The following ADAMTS17 variants were observed in gnomAD, a reference collection of about 807,000 sequenced individuals.
ADAMTS17 encodes A disintegrin and metalloproteinase with thrombospondin motifs 17.
A neutral mutation model predicts 141.5 loss-of-function variants in ADAMTS17; 113 were observed. The observed-to-expected ratio is 0.80, with a 90% CI of 0.69 to 0.93. The LOEUF (loss-of-function observed/expected upper bound fraction) is 0.93, where lower values mean the gene tolerates loss of function less well. Among genes scored for constraint, ADAMTS17 ranks in the 40% least tolerant of loss-of-function variants. The pLI, the probability that ADAMTS17 is intolerant of heterozygous loss-of-function variation, is 0.00. For synonymous variants in ADAMTS17, 768 were observed against 630.6 expected, an observed-to-expected ratio of 1.22 and a Z score of -3.27; for missense variants, 1,659 against 1,517.9, an observed-to-expected ratio of 1.09 and a Z score of -1.54.
chr15:100,202,239 A>G (rs749480274), intron 7 of ADAMTS17, among the ~76,000 whole-genome samples: 5 of 152,240 alleles, frequency 3.3e-5, no homozygotes, highest in Non-Finnish European at 7.3e-5. Flanking sequence ...GTAACGTGCA[A>G]TGCTAGTGGA....
chr15:100,121,468 C>G (rs1480666807), intron 12 of ADAMTS17, among the ~76,000 whole-genome samples: 1 of 152,078 alleles, frequency 6.6e-6, no homozygotes, highest in Admixed American at 6.5e-5. Context: ...ATATCCCATA[C>G]AAGGGATCTT....
At chr15:100,088,766 C>T (rs1172168478) in intron 15 of ADAMTS17, among the ~76,000 whole-genome samples, 3 of 152,112 alleles carry the variant, frequency 2.0e-5, no homozygotes, top group African/African-American at 4.8e-5. Flanking sequence ...ATTAATGGTG[C>T]TGGAAAAACT....
At chr15:100,206,101 G>A (rs12914216) in intron 7 of ADAMTS17, among the ~76,000 whole-genome samples, 3,050 of 152,358 alleles carry the variant, frequency 0.02, 48 homozygotes, top group South Asian at 0.034. Flanking sequence ...GGCTCCCTGT[G>A]TGGGGAGCAA....
At chr15:100,309,519 G>T (rs1031236072) in intron 3 of ADAMTS17, among the ~76,000 whole-genome samples, 1 of 152,198 alleles carries the variant, frequency 6.6e-6, no homozygotes, top group Non-Finnish European at 1.5e-5. Context: ...TCAGTCTGGT[G>T]CCTGTCTCAC....
chr15:100,111,681 G>T lies in ADAMTS17; in HGVS notation c.1889-2565C>A, dbSNP rs75836599. 1.4e-4 allele frequency among the ~76,000 whole-genome samples: 22 copies of T among 152,262 alleles called. No individual in the cohort carries two copies. The East Asian group carries it at 4.0e-3, about 28-fold the overall frequency. Reference sequence around the variant, plus strand: ...TAGACTGAAATGTTGACTCAGTACTGGGAGTAATTGAGCTTTGAGGTGATT... The same window carrying T: ...TAGACTGAAATGTTGACTCAGTACTTGGAGTAATTGAGCTTTGAGGTGATT... On this transcript the variant is annotated intron_variant, in intron 13 of 21. Transcript: ENST00000268070.
chr15:100,239,591 G>A (rs2042765967), intron 7 of ADAMTS17, among the ~76,000 whole-genome samples: 1 of 152,198 alleles, frequency 6.6e-6, no homozygotes, highest in Non-Finnish European at 1.5e-5. Context: ...TCTCTCTCCA[G>A]CGTTGCAGGA....
At chr15:100,054,824 A>G (rs1317330705) in intron 15 of ADAMTS17, among the ~76,000 whole-genome samples, 1 of 152,156 alleles carries the variant, frequency 6.6e-6, no homozygotes, top group Non-Finnish European at 1.5e-5. Context: ...GAGAATCAAC[A>G]TGCTGCTGAC....
intron 17 of ADAMTS17, among the ~76,000 whole-genome samples, chr15:100,049,656 A>G (rs749601210): frequency 6.6e-6 from 1 of 152,086 alleles, no homozygotes; most frequent in Non-Finnish European, 1.5e-5. Flanking sequence ...TTGTCACCCT[A>G]AATACTGCAC....
intron 18 of ADAMTS17, among the ~76,000 whole-genome samples, chr15:100,021,530 C>T (rs1423715777): frequency 6.6e-6 from 1 of 152,208 alleles, no homozygotes; most frequent in Non-Finnish European, 1.5e-5. Context: ...TGCTTCTCTG[C>T]CACAGCTCCA....
intron 20 of ADAMTS17, among the ~76,000 whole-genome samples, chr15:99,988,077 A>G (rs983463911): frequency 1.3e-5 from 2 of 151,714 alleles, no homozygotes; most frequent in African/African-American, 4.8e-5. Flanking sequence ...CCTTGCTAAG[A>G]CCTCTCCATA....
intron 7 of ADAMTS17, among the ~76,000 whole-genome samples, chr15:100,235,588 C>T (rs927137368): frequency 8.5e-5 from 13 of 152,152 alleles, no homozygotes; most frequent in African/African-American, 2.9e-4. Context: ...CCCAGAAGGA[C>T]CCCGAGGAAG....
chr15:99,973,180 A>C lies in ADAMTS17; in HGVS notation c.*1222T>G, dbSNP rs1407654692. The C allele has an allele frequency of 6.6e-6, 1 of 152,148 alleles. No homozygotes were observed. Among genetic ancestry groups the C allele is most frequent in the African/African-American group, 2.4e-5 (1 of 41,410 alleles). The allele number at this position is 152,148 out of a possible 1,614,324, so 9.4% of individuals were successfully genotyped here. A position where few individuals can be genotyped will look rare whatever the true frequency, so the allele number is the denominator to read the frequency against. On this transcript the variant is annotated 3_prime_UTR_variant, in exon 22 of 22. Coordinates refer to ENST00000268070, the MANE Select transcript of ADAMTS17 (RefSeq NM_139057.4). ...CAGGGGGGAAGGACCTTCCTTCATC[A>C]TGCATCATCCTTGCCCCACCAAGAA...
chr15:100,044,215 G>C (rs557115954), intron 18 of ADAMTS17, among the ~76,000 whole-genome samples: 31 of 152,138 alleles, frequency 2.0e-4, no homozygotes, highest in African/African-American at 7.0e-4. Context: ...CACAAACCTG[G>C]GAAATTTTTG....
rs147400265 is a variant in ADAMTS17 at position 100,060,933 on chromosome 15, T to C, written c.2138-6879A>G. Among the ~76,000 whole-genome samples the C allele has an allele frequency of 4.3e-3, 661 of 152,302 alleles. 2 individuals are homozygous for C. The highest frequency in any genetic ancestry group is 0.022 in the South Asian group (107 of 4,826). On this transcript the variant is annotated intron_variant, in intron 15 of 21. Coordinates refer to ENST00000268070, the MANE Select transcript of ADAMTS17 (RefSeq NM_139057.4). ...AGACAAGGCCTTTTTGAACTAACTT[T>C]AGAAACATAATGAGTGTGGACCACC...
chr15:100,039,115 A>G (rs984383770), intron 18 of ADAMTS17, among the ~76,000 whole-genome samples: 2 of 152,152 alleles, frequency 1.3e-5, no homozygotes, highest in Non-Finnish European at 2.9e-5. Flanking sequence ...TCGTTCTTTA[A>G]TTTAGTAATT....
chr15:100,212,115 C>A (rs1239091663), intron 7 of ADAMTS17, among the ~76,000 whole-genome samples: 2 of 152,322 alleles, frequency 1.3e-5, no homozygotes, highest in Middle Eastern at 3.4e-3. Flanking sequence ...CGTACCACCA[C>A]CCCACGAAGG....
intron 3 of ADAMTS17, among the ~76,000 whole-genome samples, chr15:100,326,968 A>C (rs2045919627): frequency 6.6e-6 from 1 of 152,232 alleles, no homozygotes; most frequent in Admixed American, 6.5e-5. Flanking sequence ...CCATGAACTC[A>C]TGTCAATGAT....
At chr15:100,308,009 G>A (rs991358963) in intron 3 of ADAMTS17, among the ~76,000 whole-genome samples, 7 of 152,170 alleles carry the variant, frequency 4.6e-5, no homozygotes, top group African/African-American at 1.7e-4. Context: ...TGCCAAAAAC[G>A]TCTCCACTTT....
chr15:100,328,944 C>T (rs1596535258), intron 3 of ADAMTS17, among the ~76,000 whole-genome samples: 1 of 152,100 alleles, frequency 6.6e-6, no homozygotes, highest in East Asian at 1.9e-4. Context: ...ATGGGAAAAT[C>T]CACTCCCGAT....
Sources: allele counts gnomAD v4.1 joint callset (sites outside exome capture counted in the v4.1 genomes callset), GRCh38; gene constraint gnomAD v4.1.1; transcripts MANE v1.5; gene names NCBI Gene and HGNC (gene_info 2026-07-23, HGNC 2026-07-21).